Variants in GRID2 observed in about 807,000 individuals in gnomAD.
The protein encoded by GRID2 is glutamate ionotropic receptor delta type subunit 2, also known as glutamate receptor ionotropic, delta-2.
In GRID2, 33 loss-of-function variants were observed where a neutral mutation model predicts 114.8. The ratio of observed to expected loss-of-function variants is 0.29; its 90% CI spans 0.22 to 0.38. GRID2 has a LOEUF of 0.38. GRID2 is among the 10% of genes least tolerant of loss of function. The pLI, the probability that GRID2 is intolerant of heterozygous loss-of-function variation, is 1.00. For missense variants in GRID2, 1,184 were observed against 1,257.7 expected, an observed-to-expected ratio of 0.94 and a Z score of 0.89; for synonymous variants, 505 against 449.9, an observed-to-expected ratio of 1.12 and a Z score of -1.55.
At chr4:92,500,230 A>T (rs917792185) in intron 1 of GRID2, among the ~76,000 whole-genome samples, 1 of 151,964 alleles carries the variant, frequency 6.6e-6, no homozygotes, top group African/African-American at 2.4e-5. Flanking sequence ...TGCCAATATC[A>T]GCATTGTTTT....
intron 14 of GRID2, among the ~76,000 whole-genome samples, chr4:93,650,773 T>C (rs981152446): frequency 5.9e-5 from 9 of 152,198 alleles, no homozygotes; most frequent in Middle Eastern, 3.4e-3. Context: ...ATGAGAAAAT[T>C]AACCTGTTCA....
intron 1 of GRID2, among the ~76,000 whole-genome samples, chr4:92,571,937 A>T (rs1727643452): frequency 1.3e-5 from 2 of 152,202 alleles, no homozygotes; most frequent in East Asian, 1.9e-4. Context: ...AGTAGAAAAG[A>T]TCTAAAATTG....
rs183345412 is a variant in GRID2, at chr4:92,779,550, G to A, written c.244+189264G>A. On this transcript the variant is annotated intron_variant, in intron 2 of 15. Coordinates refer to ENST00000282020, the MANE Select transcript of GRID2 (RefSeq NM_001510.4). ...CCTAAATTTACAAAAGCATCAGGAA[G>A]CAGGTTTCTCATATTCTGCTCTGAT... 1.5e-3 allele frequency among the ~76,000 whole-genome samples: 227 copies of A among 152,162 alleles called. 1 individual carries two copies. Among genetic ancestry groups the A allele is most frequent in the African/African-American group, 5.1e-3 (212 of 41,528 alleles).
chr4:93,574,542 G>A (rs1480356235), intron 13 of GRID2, among the ~76,000 whole-genome samples: 3 of 152,144 alleles, frequency 2.0e-5, no homozygotes, highest in Non-Finnish European at 4.4e-5. Context: ...TGTCTTACCT[G>A]GTTGGCAGCA....
chr4:93,691,310 A>G (rs1726543244), intron 14 of GRID2, among the ~76,000 whole-genome samples: 1 of 152,096 alleles, frequency 6.6e-6, no homozygotes, highest in Non-Finnish European at 1.5e-5. Context: ...AAAGATAATT[A>G]TCAGATTATT....
intron 2 of GRID2, among the ~76,000 whole-genome samples, chr4:92,643,636 T>TA (rs1348555862): frequency 6.6e-6 from 1 of 151,754 alleles, no homozygotes; most frequent in East Asian, 1.9e-4. Flanking sequence ...GCTAATTAAA[T>TA]AAAAAATTTC....
At chr4:92,918,421 T>C (rs1450186267) in intron 2 of GRID2, among the ~76,000 whole-genome samples, 1 of 152,174 alleles carries the variant, frequency 6.6e-6, no homozygotes, top group Non-Finnish European at 1.5e-5. Context: ...GGCATCCCTG[T>C]CTTGTACCAG....
intron 2 of GRID2, among the ~76,000 whole-genome samples, chr4:92,615,723 T>C (rs539942390): frequency 6.6e-5 from 10 of 151,642 alleles, no homozygotes; most frequent in South Asian, 2.1e-4. Context: ...TTGTTAAATA[T>C]ATAAATTGAA....
intron 8 of GRID2, among the ~76,000 whole-genome samples, chr4:93,355,646 G>A (rs1440697801): frequency 2.0e-5 from 3 of 152,032 alleles, no homozygotes; most frequent in Non-Finnish European, 4.4e-5. Context: ...TTCTTTATCA[G>A]GAGAAGTAAA....
intron 1 of GRID2, among the ~76,000 whole-genome samples, chr4:92,541,787 G>A (rs1725976218): frequency 6.7e-6 from 1 of 148,768 alleles, no homozygotes; most frequent in Non-Finnish European, 1.5e-5. Context: ...GATATTTCTG[G>A]AAAAAAAAAA....
At chr4:92,995,456 T>G (rs1190476409) in intron 2 of GRID2, among the ~76,000 whole-genome samples, 3 of 152,162 alleles carry the variant, frequency 2.0e-5, no homozygotes, top group Non-Finnish European at 2.9e-5. Context: ...CCCAAAAGGA[T>G]CATACCATTG....
intron 4 of GRID2, among the ~76,000 whole-genome samples, chr4:93,130,261 G>A (rs1054243553): frequency 4.6e-5 from 7 of 152,098 alleles, no homozygotes; most frequent in Admixed American, 6.6e-5. Flanking sequence ...GCAACATGAT[G>A]AGATCCTGTC....
At chr4:92,310,915 C>T (rs1725671724) in intron 1 of GRID2, among the ~76,000 whole-genome samples, 1 of 152,012 alleles carries the variant, frequency 6.6e-6, no homozygotes, top group Admixed American at 6.6e-5. Context: ...AACATGAAAT[C>T]TTAATTACAC....
At chr4:93,562,156 C>A (rs1188102290) in intron 13 of GRID2, among the ~76,000 whole-genome samples, 7 of 151,666 alleles carry the variant, frequency 4.6e-5, no homozygotes, top group Admixed American at 6.6e-5. Flanking sequence ...GAATGAGTGT[C>A]TAGTGCTTTA....
chr4:93,497,956 CAT>C (rs778882923), intron 12 of GRID2, among the ~76,000 whole-genome samples: 1 of 151,794 alleles, frequency 6.6e-6, no homozygotes, highest in African/African-American at 2.4e-5. Context: ...GATCTGTAAA[CAT>C]ATGTCTCCCC....
intron 14 of GRID2, among the ~76,000 whole-genome samples, chr4:93,733,827 G>C (rs1251814104): frequency 6.6e-6 from 1 of 151,972 alleles, no homozygotes; most frequent in Non-Finnish European, 1.5e-5. Context: ...CTCCCTCTAA[G>C]GTTTTCAGAA....
chr4:92,572,302 C>G (rs755970477), intron 1 of GRID2, among the ~76,000 whole-genome samples: 7 of 151,974 alleles, frequency 4.6e-5, no homozygotes, highest in Admixed American at 6.6e-5. Context: ...ATAAATTCCT[C>G]GACACATACA....
intron 10 of GRID2, among the ~76,000 whole-genome samples, chr4:93,444,586 A>T (rs955257247): frequency 7.9e-5 from 12 of 152,060 alleles, no homozygotes; most frequent in African/African-American, 2.4e-4. Flanking sequence ...ATAATAGGTA[A>T]GAAAAAGGAA....
intron 1 of GRID2, among the ~76,000 whole-genome samples, chr4:92,480,959 A>G (rs1722558407): frequency 6.6e-6 from 1 of 152,080 alleles, no homozygotes; most frequent in Admixed American, 6.6e-5. Context: ...AAAAGTACTC[A>G]TTTGATTATT....
Sources: gnomAD v4.1 joint callset for allele counts (sites outside exome capture counted in the v4.1 genomes callset) on GRCh38, gnomAD v4.1.1 for gene constraint, MANE v1.5 for transcripts, NCBI Gene and HGNC (gene_info 2026-07-23, HGNC 2026-07-21) for gene names.